Variants in MED13L observed in about 807,000 individuals in gnomAD.
The protein encoded by MED13L is mediator complex subunit 13L, also known as mediator of RNA polymerase II transcription subunit 13-like.
MED13L carries 7 observed loss-of-function variants against 220.9 expected under a neutral mutation model. The observed-to-expected ratio is 0.03, with a 90% CI of 0.02 to 0.06. MED13L has a LOEUF of 0.06. Ranked by LOEUF, MED13L falls within the 10% of genes least tolerant of loss-of-function variation. MED13L has a pLI of 1.00. For synonymous variants in MED13L, 1,011 were observed against 1,015.2 expected, an observed-to-expected ratio of 1.00 and a Z score of 0.08; for missense variants, 1,965 against 2,760.5, an observed-to-expected ratio of 0.71 and a Z score of 6.46.
chr12:116,273,800 A>C (rs1329778525), intron 1 of MED13L, among the ~76,000 whole-genome samples: 3 of 152,244 alleles, frequency 2.0e-5, no homozygotes, highest in African/African-American at 7.2e-5. Context: ...ATTTAAATCT[A>C]GTTAAAGGGC....
chr12:116,159,539 C>T (rs1194795103), intron 2 of MED13L, among the ~76,000 whole-genome samples: 1 of 152,144 alleles, frequency 6.6e-6, no homozygotes, highest in Non-Finnish European at 1.5e-5. Flanking sequence ...CTTTTTATCA[C>T]TCTAACTTAC....
chr12:116,240,930 A>C (rs944500984), intron 1 of MED13L, among the ~76,000 whole-genome samples: 6 of 152,204 alleles, frequency 3.9e-5, no homozygotes, highest in Non-Finnish European at 8.8e-5. Context: ...TAAGCAGAAG[A>C]CTAACTTCTT....
At chr12:116,124,670 A>C (rs571848489) in intron 2 of MED13L, among the ~76,000 whole-genome samples, 111 of 152,334 alleles carry the variant, frequency 7.3e-4, no homozygotes, top group African/African-American at 2.5e-3. Flanking sequence ...CTATCATTTC[A>C]CTTAACGCCC....
At chr12:115,972,024 G>A (rs1876620296) in intron 26 of MED13L, 54 bp downstream of exon 26, 4 of 1,583,894 alleles carry the variant, frequency 2.5e-6, no homozygotes, top group Admixed American at 3.4e-5. Context: ...TTAAGTTTGA[G>A]TGGACTGAAT....
intron 2 of MED13L, among the ~76,000 whole-genome samples, chr12:116,136,286 T>C (rs1404932248): frequency 6.6e-6 from 1 of 152,204 alleles, no homozygotes; most frequent in Non-Finnish European, 1.5e-5. Flanking sequence ...ATATCTACCA[T>C]GCAAATAAGT....
chr12:116,189,223 T>C lies in MED13L; in HGVS notation c.310+48245A>G, dbSNP rs1881103951. ...AGTCATTCTGTCAGGTGTGTAATGATAGTTCACTGTAGTTTTAAATGGCAA... is the reference window on the plus strand; with the variant it reads ...AGTCATTCTGTCAGGTGTGTAATGACAGTTCACTGTAGTTTTAAATGGCAA... On this transcript the variant is annotated intron_variant, in intron 2 of 30. Coordinates refer to ENST00000281928, the MANE Select transcript of MED13L (RefSeq NM_015335.5). Among the ~76,000 whole-genome samples the C allele has an allele frequency of 2.0e-5, 3 of 150,922 alleles. 1 individual carries two copies. Among genetic ancestry groups the C allele is most frequent in the Admixed American group, 2.0e-4 (3 of 15,096 alleles).
chr12:116,145,693 A>G (rs71469750), intron 2 of MED13L, among the ~76,000 whole-genome samples: 17,461 of 139,788 alleles, frequency 0.12, 1,164 homozygotes, highest in East Asian at 0.23. Flanking sequence ...TTATTTATTT[A>G]TTTATTTATT....
intron 4 of MED13L, among the ~76,000 whole-genome samples, chr12:116,072,641 A>G (rs1345678703): frequency 6.6e-6 from 1 of 152,128 alleles, no homozygotes; most frequent in Non-Finnish European, 1.5e-5. Context: ...TAGTAGAGAC[A>G]GGGTTTCACA....
chr12:116,203,341 T>G (rs1028880821), intron 2 of MED13L, among the ~76,000 whole-genome samples: 17 of 152,148 alleles, frequency 1.1e-4, no homozygotes, highest in African/African-American at 3.4e-4. Flanking sequence ...TGTGGTGGTG[T>G]TTATTTTTCT....
intron 23 of MED13L, among the ~76,000 whole-genome samples, chr12:115,978,881 T>G (rs1043321664): frequency 6.6e-6 from 1 of 152,200 alleles, no homozygotes; most frequent in Admixed American, 6.5e-5. Context: ...ATTTGAAAAC[T>G]TGCATAATAA....
intron 1 of MED13L, among the ~76,000 whole-genome samples, chr12:116,264,082 A>G (rs11067961): frequency 0.015 from 2,282 of 152,276 alleles, 113 homozygotes; most frequent in Admixed American, 0.088. Flanking sequence ...TCAGAAGGGT[A>G]TTAAACTGTT....
intron 2 of MED13L, among the ~76,000 whole-genome samples, chr12:116,114,895 A>G (rs1874383324): frequency 6.6e-6 from 1 of 152,206 alleles, no homozygotes; most frequent in East Asian, 1.9e-4. Context: ...TAAATCTTAC[A>G]AAATATGCTA....
At chr12:116,011,554 G>A (rs1409032107) in intron 9 of MED13L, among the ~76,000 whole-genome samples, 2 of 152,124 alleles carry the variant, frequency 1.3e-5, no homozygotes, top group African/African-American at 2.4e-5. Context: ...TGCTAAAGGC[G>A]GGCCTTAACT....
chr12:116,259,971 T>C (rs1245458352), intron 1 of MED13L, among the ~76,000 whole-genome samples: 1 of 152,222 alleles, frequency 6.6e-6, no homozygotes, highest in Non-Finnish European at 1.5e-5. Flanking sequence ...ATTTACACTG[T>C]GATTACATCT....
chr12:116,030,494 C>A (rs986346359), intron 4 of MED13L, among the ~76,000 whole-genome samples: 5 of 151,840 alleles, frequency 3.3e-5, no homozygotes, highest in African/African-American at 1.2e-4. Flanking sequence ...ATGAAGAAAG[C>A]AAGGAGTAAA....
chr12:115,981,296 G>A (rs1877312815), intron 22 of MED13L, among the ~76,000 whole-genome samples: 1 of 152,108 alleles, frequency 6.6e-6, no homozygotes, highest in African/African-American at 2.4e-5. Flanking sequence ...TACACAGTGT[G>A]TATGGCATTT....
At chr12:116,275,677 T>TAA (rs1873758678) in intron 1 of MED13L, among the ~76,000 whole-genome samples, 1 of 152,196 alleles carries the variant, frequency 6.6e-6, no homozygotes, top group Non-Finnish European at 1.5e-5. Flanking sequence ...ATAATGCTTC[T>TAA]ATCTACAGCG....
At chr12:116,236,130 T>C (rs1223400081) in intron 2 of MED13L, among the ~76,000 whole-genome samples, 1 of 152,206 alleles carries the variant, frequency 6.6e-6, no homozygotes, top group African/African-American at 2.4e-5. Flanking sequence ...ACTCTAATTT[T>C]ACCTAAGTTA....
At chr12:116,138,602 T>A (rs1186239108) in intron 2 of MED13L, among the ~76,000 whole-genome samples, 1 of 152,228 alleles carries the variant, frequency 6.6e-6, no homozygotes, top group East Asian at 1.9e-4. Context: ...TCCCACAGAC[T>A]TGTTTGTGGC....
Sources: allele counts gnomAD v4.1 joint callset (sites outside exome capture counted in the v4.1 genomes callset), GRCh38; gene constraint gnomAD v4.1.1; transcripts MANE v1.5; gene names NCBI Gene and HGNC (gene_info 2026-07-23, HGNC 2026-07-21).